The following PCM1 variants were observed in gnomAD, a reference collection of about 807,000 sequenced individuals.
The protein encoded by PCM1 is pericentriolar material 1, also known as pericentriolar material 1 protein.
PCM1 carries 157 observed loss-of-function variants against 241.9 expected under a neutral mutation model. The observed-to-expected ratio is 0.65, with a 90% confidence interval of 0.57 to 0.74. The LOEUF is 0.74. PCM1 is among the 30% of genes least tolerant of loss of function. PCM1 has a pLI of 0.00. For missense variants in PCM1, 3,478 were observed against 2,360.1 expected (o/e 1.47, Z -9.81); for synonymous variants, 1,085 against 784.9 (o/e 1.38, Z -6.39).
At chr8:17,973,083 A>C (rs2077393231) in intron 23 of PCM1, among the ~76,000 whole-genome samples, 1 of 152,168 alleles carries the variant, frequency 6.6e-6, no homozygotes, top group African/African-American at 2.4e-5. Context: ...TGGGCTTCTA[A>C]ATACATTGCA....
intron 2 of PCM1, among the ~76,000 whole-genome samples, chr8:17,929,578 G>A (rs184347640): frequency 6.6e-6 from 1 of 152,126 alleles, no homozygotes; most frequent in Non-Finnish European, 1.5e-5. Context: ...TTTCTTTTCT[G>A]ATCAGTTTAA....
rs1554688770 is a variant in PCM1 at position 17,968,762 on chromosome 8, G to GTATATATA, written c.3413-806_3413-799dup. On this transcript the variant is annotated intron_variant, in intron 21 of 38. Coordinates refer to ENST00000325083, the MANE Select transcript of PCM1 (RefSeq NM_006197.4). Reference sequence around the variant, plus strand: ...TGTGTGTGTGTGTGTGTGTGTGTGTGTATATATATATATATACACACCACA... The same window carrying GTATATATA: ...TGTGTGTGTGTGTGTGTGTGTGTGTGTATATATATATATATATATATATACACACCACA... Among the ~76,000 whole-genome samples, 162 of 136,768 alleles carry GTATATATA rather than the reference G, an allele frequency of 1.2e-3. 2 individuals are homozygous for GTATATATA. The highest frequency in any genetic ancestry group is 4.2e-3 in the African/African-American group (153 of 36,440). The allele number at this position is 136,768 out of a possible 152,430, so 89.7% of individuals were successfully genotyped here.
In PCM1 at chr8:17,969,662, A is replaced by G. The variant is rs1396950723; in HGVS notation, c.3498A>G (p.Leu1166=). Reference sequence around the variant, plus strand: ...CACCCAGTGAACAGCAGCAACCCTTAGCCCAGAATTCTTCAGGAAAAACAG... The same window carrying G: ...CACCCAGTGAACAGCAGCAACCCTTGGCCCAGAATTCTTCAGGAAAAACAG... ...ISTPSEQQQP[L]AQNSSGKTEY... The change falls in exon 22 of 39, where the codon TTA becomes TTG. Residue 1166 remains leucine, a synonymous_variant. Transcript: ENST00000325083. The G allele has an allele frequency of 6.2e-7, 1 of 1,612,980 alleles. No individual in the cohort carries two copies. The highest frequency in any genetic ancestry group is 8.5e-7 in the Non-Finnish European group (1 of 1,179,060).
chr8:17,991,990 A>C (rs1030368491), intron 28 of PCM1, among the ~76,000 whole-genome samples: 1 of 152,202 alleles, frequency 6.6e-6, no homozygotes, highest in African/African-American at 2.4e-5. Context: ...CACTTAGATT[A>C]ACGGTCTCCA....
intron 38 of PCM1, among the ~76,000 whole-genome samples, chr8:18,027,388 G>T (rs1219183342): frequency 6.6e-6 from 1 of 151,760 alleles, no homozygotes; most frequent in African/African-American, 2.4e-5. Flanking sequence ...TTCTATAGTT[G>T]TTTTCTTTTC....
chr8:17,997,096 A>G (rs1257768336), intron 29 of PCM1, among the ~76,000 whole-genome samples: 1 of 151,806 alleles, frequency 6.6e-6, no homozygotes, highest in African/African-American at 2.4e-5. Flanking sequence ...TGTTGATGAA[A>G]TCCCTCAGCT....
At chr8:17,965,883 TTC>T in intron 18 of PCM1, 114 bp from the exon 19 acceptor site, 1 of 656,448 alleles carries the variant, frequency 1.5e-6, no homozygotes, top group South Asian at 2.3e-5. Context: ...ACTTTGTATG[TTC>T]TTTTAATTTA....
Position 17,967,067 on chromosome 8 carries a change from G to T in PCM1, c.3309G>T (p.Ser1103=). Residue 1103 remains serine, a synonymous_variant, in exon 21 of 39, where the codon TCG becomes TCT. Coordinates refer to ENST00000325083, the MANE Select transcript of PCM1 (RefSeq NM_006197.4). ...PGGKERGSSA[S]HPPSPSLFCP... is the part of the protein sequence containing the mutation. Reference sequence around the variant, plus strand: ...GCAAGGAAAGAGGCAGTAGTGCATCGCACCCTCCTTCTCCCAGTTTATTTT... The same window carrying T: ...GCAAGGAAAGAGGCAGTAGTGCATCTCACCCTCCTTCTCCCAGTTTATTTT... 1.9e-6 allele frequency: 3 copies of T among 1,608,974 alleles called. No individual in the cohort carries two copies. The highest frequency in any genetic ancestry group is 2.5e-6 in the Non-Finnish European group (3 of 1,177,406).
chr8:17,985,034 C>G (rs2082157058), intron 24 of PCM1, among the ~76,000 whole-genome samples: 1 of 151,774 alleles, frequency 6.6e-6, no homozygotes, highest in Non-Finnish European at 1.5e-5. Context: ...TTAACATTAA[C>G]AAAATATACA....
At chr8:18,024,227 G>A (rs577070426) in intron 36 of PCM1, among the ~76,000 whole-genome samples, 11 of 152,242 alleles carry the variant, frequency 7.2e-5, no homozygotes, top group East Asian at 1.9e-4. Context: ...TTAGCCAGGC[G>A]TGAGAGTGCA....
chr8:18,005,975 AG>A (rs1296838251), intron 29 of PCM1: 3 of 265,614 alleles, frequency 1.1e-5, no homozygotes, highest in African/African-American at 6.6e-5. Context: ...GTTCTCCTTA[AG>A]GTACAGAAAA....
intron 18 of PCM1, 85 bp downstream of exon 18, chr8:17,964,853 A>G (rs2074191565): frequency 2.1e-6 from 2 of 951,718 alleles, no homozygotes; most frequent in South Asian, 1.4e-5. Context: ...CAGTTCTCCA[A>G]GCCAACTGAA....
chr8:17,996,107 T>A (rs546371775), intron 29 of PCM1, among the ~76,000 whole-genome samples: 1 of 152,238 alleles, frequency 6.6e-6, no homozygotes, highest in African/African-American at 2.4e-5. Flanking sequence ...ATCCTTGTTG[T>A]GTTCCAGATC....
intron 28 of PCM1, among the ~76,000 whole-genome samples, chr8:17,992,378 G>C (rs1326364287): frequency 6.6e-6 from 1 of 152,064 alleles, no homozygotes; most frequent in Non-Finnish European, 1.5e-5. Context: ...GTGTAAAATT[G>C]TTCCCTTTTT....
At chr8:17,951,221 A>T (rs2299596) in intron 8 of PCM1, among the ~76,000 whole-genome samples, 31 of 152,166 alleles carry the variant, frequency 2.0e-4, no homozygotes, top group Middle Eastern at 3.4e-3. Context: ...TGTAAGTGAT[A>T]TAAATGCAGA....
At chr8:18,024,179 C>T (rs572007637) in intron 36 of PCM1, among the ~76,000 whole-genome samples, 81 of 152,254 alleles carry the variant, frequency 5.3e-4, no homozygotes, top group African/African-American at 1.8e-3. Context: ...GCAACCTGGG[C>T]AACATAGTAA....
At chr8:17,997,819 G>GT (rs1304403561) in intron 29 of PCM1, among the ~76,000 whole-genome samples, 5 of 150,658 alleles carry the variant, frequency 3.3e-5, no homozygotes, top group Admixed American at 6.6e-5. Context: ...GAGGTCAGGA[G>GT]TTTGAGACCA....
chr8:17,964,653 C>T lies in PCM1; in HGVS notation c.2740C>T (p.Arg914Trp), dbSNP rs769630116. Residue 914 changes from arginine (R) to tryptophan (W), a missense_variant, in exon 18 of 39, where the codon CGG becomes TGG. Transcript: ENST00000325083. Reference protein sequence around the residue: ...EDGYLSEGIVRTDEEEEEEQD... With the variant: ...EDGYLSEGIVWTDEEEEEEQD... The stretch of plus-strand genomic sequence containing the variant: ...CGGTTACCTTTCTGAAGGAATTGTT[C>T]GGACAGATGAAGAGGAGGAAGAAGA... The T allele has an allele frequency of 6.2e-6, 10 of 1,613,752 alleles. No homozygotes were observed. The highest frequency in any genetic ancestry group is 2.7e-5 in the African/African-American group (2 of 74,990).
At chr8:17,995,748 T>C (rs2086464941) in intron 29 of PCM1, among the ~76,000 whole-genome samples, 1 of 152,070 alleles carries the variant, frequency 6.6e-6, no homozygotes, top group Non-Finnish European at 1.5e-5. Flanking sequence ...TTCATCAGTG[T>C]TTTATAGTTT....
Sources: gnomAD v4.1 joint callset for allele counts (sites outside exome capture counted in the v4.1 genomes callset) on GRCh38, gnomAD v4.1.1 for gene constraint, MANE v1.5 for transcripts, NCBI Gene and HGNC (gene_info 2026-07-23, HGNC 2026-07-21) for gene names.